Variants in MEIS2 observed in about 807,000 individuals in gnomAD.
The protein encoded by MEIS2 is homeobox protein Meis2.
MEIS2 carries 9 observed loss-of-function variants against 58.6 expected under a neutral mutation model. The ratio of observed to expected loss-of-function variants is 0.15; its 90% CI spans 0.09 to 0.27. The LOEUF (loss-of-function observed/expected upper bound fraction) is 0.27, where lower values mean the gene tolerates loss of function less well. MEIS2 is among the 10% of genes least tolerant of loss of function. MEIS2 has a pLI of 1.00. For synonymous variants in MEIS2, 221 were observed against 228.4 expected, an observed-to-expected ratio of 0.97 and a Z score of 0.29; for missense variants, 427 against 635.0, an observed-to-expected ratio of 0.67 and a Z score of 3.52.
chr15:36,909,148 A>G (rs1238817603), intron 9 of MEIS2, among the ~76,000 whole-genome samples: 1 of 152,120 alleles, frequency 6.6e-6, no homozygotes, highest in African/African-American at 2.4e-5. Context: ...TCTGGCTAAC[A>G]CACCCTTCAA....
At chr15:37,075,067 A>G (rs1373780322) in intron 7 of MEIS2, among the ~76,000 whole-genome samples, 1 of 152,014 alleles carries the variant, frequency 6.6e-6, no homozygotes, top group East Asian at 1.9e-4. Flanking sequence ...AGACCCACCA[A>G]TGACTTCCAT....
Position 36,930,221 on chromosome 15 carries a change from G to A in MEIS2, c.977+20103C>T, listed in dbSNP as rs936097942. 6.7e-3 allele frequency among the ~76,000 whole-genome samples: 695 copies of A among 104,498 alleles called. 4 individuals carry two copies. Among genetic ancestry groups the A allele is most frequent in the African/African-American group, 0.03 (670 of 22,328 alleles). The allele number at this position is 104,498 out of a possible 152,430, so 68.6% of individuals were successfully genotyped here. On this transcript the variant is annotated intron_variant, in intron 9 of 11. Transcript: ENST00000561208. ...CAGTCTTAAAAAAAAAAAAAAAAAA[G>A]AGAGAGAGAGAGAAAAAAAAAGTTA...
chr15:36,913,187 C>A lies in MEIS2; in HGVS notation c.978-16501G>T, dbSNP rs138689426. ...CAACTCAGACTTACTCGGTTCTTAG[C>A]GCCTAGCTCAGTCTCCTGTTTAGAG... On this transcript the variant is annotated intron_variant, in intron 9 of 11. Coordinates refer to ENST00000561208, the MANE Select transcript of MEIS2 (RefSeq NM_170675.5). 2.0e-5 allele frequency among the ~76,000 whole-genome samples: 3 copies of A among 152,312 alleles called. No individual in the cohort carries two copies. In the South Asian group the frequency reaches 6.2e-4, roughly 32 times the overall value.
chr15:37,045,484 A>AAG (rs1567221830), intron 7 of MEIS2, among the ~76,000 whole-genome samples: 65 of 147,212 alleles, frequency 4.4e-4, no homozygotes, highest in Middle Eastern at 6.8e-3. Context: ...AGATTAAAAA[A>AAG]AAGAAGAAGA....
chr15:36,999,109 G>A lies in MEIS2; in HGVS notation c.900+37705C>T, dbSNP rs561540242. The stretch of plus-strand genomic sequence containing the variant: ...AACTGGCCTGAAGACAAAGCCAATT[G>A]AGCTCAGGTGCTAGCAATCTCTTTG... On this transcript the variant is annotated intron_variant, in intron 8 of 11. Coordinates refer to ENST00000561208, the MANE Select transcript of MEIS2 (RefSeq NM_170675.5). 1.8e-4 allele frequency among the ~76,000 whole-genome samples: 27 copies of A among 152,268 alleles called. No homozygotes were observed. In the South Asian group the frequency reaches 5.6e-3, roughly 32 times the overall value.
At chr15:37,070,670 A>G (rs753372972) in intron 7 of MEIS2, among the ~76,000 whole-genome samples, 2 of 152,140 alleles carry the variant, frequency 1.3e-5, no homozygotes, top group Admixed American at 6.6e-5. Flanking sequence ...ATAGTTTTCT[A>G]AATATTGAAG....
chr15:36,972,929 T>G (rs1339405821), intron 8 of MEIS2: 4 of 152,182 alleles, frequency 2.6e-5, no homozygotes, highest in Admixed American at 2.6e-4. Flanking sequence ...ACAATTTCTT[T>G]GTATGGGCTG....
chr15:37,059,181 C>A (rs183300376), intron 7 of MEIS2, among the ~76,000 whole-genome samples: 111 of 152,242 alleles, frequency 7.3e-4, no homozygotes, highest in Non-Finnish European at 1.4e-3. Context: ...GGGGAGCAGA[C>A]TGCTTTTTTA....
At chr15:36,963,584 T>G (rs1247875219) in intron 8 of MEIS2, among the ~76,000 whole-genome samples, 1 of 152,200 alleles carries the variant, frequency 6.6e-6, no homozygotes, top group Non-Finnish European at 1.5e-5. Flanking sequence ...TAAGCCACTA[T>G]TTTATAAAGT....
chr15:37,093,342 C>T (rs1158256012), intron 6 of MEIS2, among the ~76,000 whole-genome samples: 3 of 152,156 alleles, frequency 2.0e-5, no homozygotes, highest in Non-Finnish European at 4.4e-5. Flanking sequence ...ACATTAAGAG[C>T]ACAAATCACT....
chr15:37,012,629 T>G (rs775052452), intron 8 of MEIS2, among the ~76,000 whole-genome samples: 2 of 152,230 alleles, frequency 1.3e-5, no homozygotes, highest in Non-Finnish European at 2.9e-5. Flanking sequence ...ATATACGGCC[T>G]ATTTTACATA....
At chr15:37,035,998 G>A (rs943943698) in intron 8 of MEIS2, among the ~76,000 whole-genome samples, 2 of 152,136 alleles carry the variant, frequency 1.3e-5, no homozygotes, top group Non-Finnish European at 2.9e-5. Context: ...ATTTTTACTG[G>A]TTTCCCAGAA....
At chr15:36,922,385 A>G (rs2057546471) in intron 9 of MEIS2, among the ~76,000 whole-genome samples, 1 of 146,008 alleles carries the variant, frequency 6.8e-6, no homozygotes, top group African/African-American at 2.4e-5. Context: ...GTAAAGAGGT[A>G]TTTTTATACA....
chr15:36,898,484 T>G lies in MEIS2; in HGVS notation c.978-1798A>C, dbSNP rs1595674245. On this transcript the variant is annotated intron_variant, in intron 9 of 11. Transcript: ENST00000561208. The stretch of plus-strand genomic sequence containing the variant: ...TTTATGTGCTACTAATCCTGGTTTT[T>G]GTGTTTTGCGTTTTTTATTTTTATT... The G allele has an allele frequency of 3.3e-5, 5 of 152,338 alleles. No individual in the cohort carries two copies. In the East Asian group the frequency reaches 9.6e-4, roughly 29 times the overall value. 9.4% of individuals were successfully genotyped at this position (152,338 alleles called of 1,614,324 possible).
At chr15:37,096,026 C>T in intron 3 of MEIS2, 1 of 466,346 alleles carries the variant, frequency 2.1e-6, no homozygotes, top group Non-Finnish European at 3.8e-6. Flanking sequence ...GGGAAAAAGG[C>T]CAAGCCCCAG....
intron 8 of MEIS2, among the ~76,000 whole-genome samples, chr15:36,991,753 T>C (rs2060284593): frequency 6.7e-6 from 1 of 148,898 alleles, no homozygotes; most frequent in Non-Finnish European, 1.5e-5. Context: ...TAAAAGTACA[T>C]ATTAAAGTGT....
chr15:36,997,776 C>T (rs2060577365), intron 8 of MEIS2, among the ~76,000 whole-genome samples: 2 of 152,192 alleles, frequency 1.3e-5, no homozygotes, highest in South Asian at 2.1e-4. Context: ...CCACCGTGCC[C>T]GGCCTTGATT....
chr15:36,948,993 G>A (rs2141384769), intron 9 of MEIS2, among the ~76,000 whole-genome samples: 1 of 151,902 alleles, frequency 6.6e-6, no homozygotes, highest in Non-Finnish European at 1.5e-5. Flanking sequence ...GTTTATTTCT[G>A]CATTAATCAC....
At chr15:36,973,062 C>T (rs1001235434) in intron 8 of MEIS2, among the ~76,000 whole-genome samples, 1 of 152,172 alleles carries the variant, frequency 6.6e-6, no homozygotes, top group Non-Finnish European at 1.5e-5. Flanking sequence ...GCTTTAGTTT[C>T]CACTTGGCCA....
Sources: gnomAD v4.1 joint callset for allele counts (sites outside exome capture counted in the v4.1 genomes callset) on GRCh38, gnomAD v4.1.1 for gene constraint, MANE v1.5 for transcripts, NCBI Gene and HGNC (gene_info 2026-07-23, HGNC 2026-07-21) for gene names.